CNTNAP5: variants seen among roughly 807,000 people sequenced by gnomAD.
The protein encoded by CNTNAP5 is contactin associated protein family member 5.
Under a neutral mutation model 150.2 loss-of-function variants are expected in CNTNAP5, and 72 were observed. That is an observed-to-expected ratio of 0.48 (90% CI 0.40 to 0.58). The LOEUF is 0.58. Among genes scored for constraint, CNTNAP5 ranks in the 20% least tolerant of loss-of-function variants. The probability of loss-of-function intolerance (pLI) is 0.00; values close to 1 mark genes in which losing one functional copy is unlikely to be tolerated. For synonymous variants in CNTNAP5, 672 were observed against 619.8 expected (o/e 1.08, Z -1.25); for missense variants, 1,636 against 1,626.2 (o/e 1.01, Z -0.10).
intron 11 of CNTNAP5, among the ~76,000 whole-genome samples, chr2:124,581,874 C>T (rs1352169873): frequency 1.3e-5 from 2 of 152,144 alleles, no homozygotes; most frequent in Non-Finnish European, 2.9e-5. Context: ...CAAAAGCGGC[C>T]GTCATATTGC....
chr2:124,419,988 C>CTTTTTTTTTT (rs772589224), intron 4 of CNTNAP5, among the ~76,000 whole-genome samples: 2 of 78,872 alleles, frequency 2.5e-5, no homozygotes, highest in Non-Finnish European at 2.5e-5. Context: ...TTCTTTCTTT[C>CTTTTTTTTTT]TTTTTTTTTT....
At chr2:124,637,298 G>C (rs545189426) in intron 12 of CNTNAP5, among the ~76,000 whole-genome samples, 146 of 152,152 alleles carry the variant, frequency 9.6e-4, no homozygotes, top group African/African-American at 3.3e-3. Context: ...TTGGTTGGTT[G>C]GTTTTCATGA....
intron 1 of CNTNAP5, among the ~76,000 whole-genome samples, chr2:124,165,235 T>A (rs1391116000): frequency 2.0e-5 from 3 of 152,134 alleles, no homozygotes; most frequent in Non-Finnish European, 4.4e-5. Flanking sequence ...CCAGCTTAAT[T>A]AGTCACTTTG....
At chr2:124,749,603 A>G (rs1680680601) in intron 14 of CNTNAP5, among the ~76,000 whole-genome samples, 3 of 151,940 alleles carry the variant, frequency 2.0e-5, no homozygotes. Context: ...TTTAGTACAG[A>G]CGGGGTTTCT....
chr2:124,297,640 T>C (rs762316640), intron 3 of CNTNAP5, among the ~76,000 whole-genome samples: 2 of 151,914 alleles, frequency 1.3e-5, no homozygotes, highest in Admixed American at 6.6e-5. Context: ...GATTTGCAGC[T>C]TCTTCCCTTA....
chr2:124,652,250 C>T (rs1054089889), intron 13 of CNTNAP5, among the ~76,000 whole-genome samples: 1 of 152,158 alleles, frequency 6.6e-6, no homozygotes, highest in African/African-American at 2.4e-5. Context: ...TTGTCTTTCC[C>T]CTCACTCTGC....
chr2:124,823,519 T>C (rs1201269579), intron 19 of CNTNAP5, among the ~76,000 whole-genome samples: 1 of 152,188 alleles, frequency 6.6e-6, no homozygotes, highest in African/African-American at 2.4e-5. Context: ...CTTGATTTTA[T>C]TGCAAACCAG....
intron 17 of CNTNAP5, among the ~76,000 whole-genome samples, chr2:124,774,810 A>C (rs554204888): frequency 6.6e-6 from 1 of 152,216 alleles, no homozygotes. Flanking sequence ...TGCAAAATTT[A>C]TGTAGCTACA....
intron 9 of CNTNAP5, 145 bp downstream of exon 9, chr2:124,524,597 C>G (rs984428293): frequency 4.1e-6 from 3 of 737,390 alleles, no homozygotes; most frequent in Non-Finnish European, 6.5e-6. Flanking sequence ...TACACACACA[C>G]CCTCAATCTC....
intron 1 of CNTNAP5, among the ~76,000 whole-genome samples, chr2:124,163,584 C>T (rs1684739275): frequency 6.6e-6 from 1 of 152,038 alleles, no homozygotes; most frequent in African/African-American, 2.4e-5. Context: ...ACCTTCCTCC[C>T]CTAAAGGTCA....
chr2:124,217,108 G>A (rs911768551), intron 1 of CNTNAP5, among the ~76,000 whole-genome samples: 1 of 152,132 alleles, frequency 6.6e-6, no homozygotes, highest in African/African-American at 2.4e-5. Flanking sequence ...CTAGGCCAAT[G>A]CATCTGTGAA....
chr2:124,663,849 C>T (rs1384953300), intron 13 of CNTNAP5, among the ~76,000 whole-genome samples: 1 of 152,152 alleles, frequency 6.6e-6, no homozygotes, highest in Non-Finnish European at 1.5e-5. Context: ...TTCCTCCCTT[C>T]TTAAAGGAAG....
chr2:124,076,161 C>G (rs922673181), intron 1 of CNTNAP5, among the ~76,000 whole-genome samples: 6 of 152,120 alleles, frequency 3.9e-5, no homozygotes, highest in Admixed American at 6.6e-5. Context: ...CTTAACTTCA[C>G]ATTGTTTGGC....
At chr2:124,819,779 T>G (rs1682445204) in intron 19 of CNTNAP5, among the ~76,000 whole-genome samples, 2 of 151,532 alleles carry the variant, frequency 1.3e-5, no homozygotes, top group African/African-American at 4.9e-5. Context: ...AAATAGAGAG[T>G]CTGGGACAAA....
chr2:124,913,684 T>C (rs891715942), intron 23 of CNTNAP5, among the ~76,000 whole-genome samples: 1 of 152,080 alleles, frequency 6.6e-6, no homozygotes, highest in Non-Finnish European at 1.5e-5. Context: ...TTTTCTAAGA[T>C]GCTAAAGTAA....
intron 13 of CNTNAP5, among the ~76,000 whole-genome samples, chr2:124,739,203 A>G (rs575604774): frequency 1.3e-5 from 2 of 152,270 alleles, no homozygotes; most frequent in South Asian, 4.1e-4. Context: ...ACATTGAACA[A>G]CATTATAAAA....
intron 3 of CNTNAP5, among the ~76,000 whole-genome samples, chr2:124,272,866 GGTAAA>G (rs747898701): frequency 2.0e-5 from 3 of 152,086 alleles, no homozygotes; most frequent in East Asian, 1.9e-4. Context: ...GGTTCTGTTT[GGTAAA>G]GTAAAGAATT....
chr2:124,392,638 T>C (rs1324418359), intron 3 of CNTNAP5, among the ~76,000 whole-genome samples: 2 of 136,776 alleles, frequency 1.5e-5, no homozygotes, highest in Non-Finnish European at 1.5e-5. Flanking sequence ...TTCTTAAGTA[T>C]GACATTTGAA....
At chr2:124,649,684 T>C (rs1270383683) in intron 13 of CNTNAP5, among the ~76,000 whole-genome samples, 1 of 152,178 alleles carries the variant, frequency 6.6e-6, no homozygotes, top group Non-Finnish European at 1.5e-5. Flanking sequence ...TTACCAGTTA[T>C]GTGACTTTGT....
Sources: gnomAD v4.1 joint callset for allele counts (sites outside exome capture counted in the v4.1 genomes callset) on GRCh38, gnomAD v4.1.1 for gene constraint, MANE v1.5 for transcripts, NCBI Gene and HGNC (gene_info 2026-07-23, HGNC 2026-07-21) for gene names.